The following ZFHX4 variants were observed in gnomAD, a reference collection of about 807,000 sequenced individuals.
ZFHX4 encodes zinc finger homeobox protein 4.
Under a neutral mutation model 267.6 loss-of-function variants are expected in ZFHX4, and 56 were observed. That is an observed-to-expected ratio of 0.21 (90% CI 0.17 to 0.26). The LOEUF (loss-of-function observed/expected upper bound fraction) is 0.26. Among genes scored for constraint, ZFHX4 ranks in the 10% least tolerant of loss-of-function variants. The probability of loss-of-function intolerance (pLI) is 1.00; values close to 1 mark genes in which losing one functional copy is unlikely to be tolerated. For missense variants in ZFHX4, 4,332 were observed against 4,420.0 expected (o/e 0.98, Z 0.56); for synonymous variants, 1,778 against 1,665.6 (o/e 1.07, Z -1.64).
chr8:76,832,418 A>G (rs528271979), intron 4 of ZFHX4, among the ~76,000 whole-genome samples: 13 of 152,274 alleles, frequency 8.5e-5, no homozygotes, highest in Non-Finnish European at 1.9e-4. Flanking sequence ...ACCCATACCT[A>G]GAAGTGATGG....
At chr8:76,747,133 A>G (rs1340723003) in intron 3 of ZFHX4, among the ~76,000 whole-genome samples, 2 of 152,170 alleles carry the variant, frequency 1.3e-5, no homozygotes, top group Non-Finnish European at 2.9e-5. Context: ...TAACTTCTGA[A>G]ACTATATTAA....
rs368990330 is a variant in ZFHX4 at position 76,708,042 on chromosome 8, C to T, written c.3087C>T (p.Leu1029=). 1.2e-6 allele frequency: 2 copies of T among 1,613,000 alleles called. No homozygotes were observed. The highest frequency in any genetic ancestry group is 1.7e-6 in the Non-Finnish European group (2 of 1,179,890). The part of the protein sequence containing the change: ...TNHRHEAALK[L]YKHLQKQEGA... ...ACAGGCACGAGGCGGCCCTGAAGCT[C>T]TACAAGGTAAGCAGTGACATCCATT... The change falls in exon 3 of 11, where the codon CTC becomes CTT. Residue 1029 remains leucine, a synonymous_variant. Transcript: ENST00000651372.
At chr8:76,757,838 G>A (rs1348697246) in intron 3 of ZFHX4, among the ~76,000 whole-genome samples, 1 of 152,056 alleles carries the variant, frequency 6.6e-6, no homozygotes, top group Non-Finnish European at 1.5e-5. Flanking sequence ...GCACAATGAA[G>A]GGAGTCTTAG....
intron 3 of ZFHX4, among the ~76,000 whole-genome samples, chr8:76,723,051 T>C (rs916778701): frequency 2.0e-5 from 3 of 152,100 alleles, no homozygotes; most frequent in Non-Finnish European, 1.5e-5. Context: ...TATTCTTTTA[T>C]GTTTTAACTT....
chr8:76,775,838 A>G (rs752226225), intron 3 of ZFHX4, among the ~76,000 whole-genome samples: 42 of 151,806 alleles, frequency 2.8e-4, no homozygotes, highest in Admixed American at 1.3e-3. Context: ...GCATGGCCTG[A>G]AAGCTTTAGG....
chr8:76,765,587 T>C (rs1190077750), intron 3 of ZFHX4, among the ~76,000 whole-genome samples: 1 of 152,066 alleles, frequency 6.6e-6, no homozygotes, highest in Non-Finnish European at 1.5e-5. Context: ...GAACCAAAAT[T>C]GGGTGGCAGT....
chr8:76,857,221 A>G (rs1812753886), intron 10 of ZFHX4, among the ~76,000 whole-genome samples: 1 of 152,054 alleles, frequency 6.6e-6, no homozygotes. Flanking sequence ...AACGAAAGTT[A>G]TATATCACCC....
intron 1 of ZFHX4, chr8:76,684,023 A>T (rs567537080): frequency 6.6e-6 from 1 of 151,440 alleles, no homozygotes; most frequent in Non-Finnish European, 1.5e-5. Context: ...CTGACAGAGC[A>T]AGCTCAGACT....
chr8:76,749,746 G>A (rs561614702), intron 3 of ZFHX4, among the ~76,000 whole-genome samples: 1 of 152,066 alleles, frequency 6.6e-6, no homozygotes, highest in African/African-American at 2.4e-5. Context: ...AATACATGTT[G>A]TTTATCTTAT....
In ZFHX4 at chr8:76,863,811, C is replaced by G. The variant is rs1487265488; in HGVS notation, c.10097C>G (p.Thr3366Arg). The G allele has an allele frequency of 6.4e-7, 1 of 1,552,296 alleles. No individual in the cohort carries two copies. Among genetic ancestry groups the G allele is most frequent in the Admixed American group, 2.0e-5 (1 of 51,018 alleles). The part of the protein sequence containing the change: ...QPQNSNDASE[T>R]KEDKSTATES... ...CAAAACTCCAACGATGCTTCAGAAACAAAGGAAGACAAAAGTACTGCTACA... is the reference window on the plus strand; with the variant it reads ...CAAAACTCCAACGATGCTTCAGAAAGAAAGGAAGACAAAAGTACTGCTACA... The change falls in exon 11 of 11, where the codon ACA becomes AGA. Residue 3366 changes from threonine to arginine, a missense_variant. By Grantham distance (71) the Thr-to-Arg change is moderately conservative. Around this residue, in one of 7 missense-constraint regions of ZFHX4, gnomAD observed 1,648 missense variants for 1,625.0 expected, o/e 1.01. Coordinates refer to ENST00000651372, the MANE Select transcript of ZFHX4 (RefSeq NM_024721.5).
In ZFHX4 at chr8:76,785,610, C is replaced by A. The variant is rs145624237; in HGVS notation, c.3325+7171C>A. On this transcript the variant is annotated intron_variant, in intron 4 of 10. Transcript: ENST00000651372. Reference sequence around the variant, plus strand: ...TTTTCATTGGGTAGGTTTGTGACCACTGACAGTTATAATTTACAAAAATTA... The same window carrying A: ...TTTTCATTGGGTAGGTTTGTGACCAATGACAGTTATAATTTACAAAAATTA... Among the ~76,000 whole-genome samples, 272 of 152,192 alleles carry A rather than the reference C, an allele frequency of 1.8e-3. 2 individuals carry two copies. Among genetic ancestry groups the A allele is most frequent in the African/African-American group, 6.3e-3 (262 of 41,532 alleles).
rs1403263379 is a variant in ZFHX4, at chr8:76,738,611, CTTCCTTCCTTCCTTCT to C, written c.3093+30579_3093+30594del. 7.3e-3 allele frequency among the ~76,000 whole-genome samples: 1,062 copies of C among 144,970 alleles called. 17 individuals are homozygous for C. The highest frequency in any genetic ancestry group is 0.022 in the African/African-American group (858 of 38,938). ...TACTTTCTTTCTTTTTCCTTCCTTC[CTTCCTTCCTTCCTTCT>C]TTCCTTCCTTCCTTCCTTCCTTCTT... On this transcript the variant is annotated intron_variant, in intron 3 of 10. Transcript: ENST00000651372.
At chr8:76,717,963 C>T (rs762415791) in intron 3 of ZFHX4, among the ~76,000 whole-genome samples, 2 of 152,240 alleles carry the variant, frequency 1.3e-5, no homozygotes, top group Admixed American at 6.5e-5. Context: ...TCTAACTATT[C>T]GTTTGGCAGG....
intron 3 of ZFHX4, among the ~76,000 whole-genome samples, chr8:76,732,347 C>T (rs982887672): frequency 2.0e-5 from 3 of 151,886 alleles, no homozygotes; most frequent in African/African-American, 7.3e-5. Flanking sequence ...TTTAGAAGGG[C>T]AGTCTGTTTT....
At chr8:76,850,817 A>T in intron 9 of ZFHX4, 69 bp from the exon 10 acceptor site, 1 of 1,382,718 alleles carries the variant, frequency 7.2e-7, no homozygotes, top group Non-Finnish European at 9.6e-7. Context: ...TACTATTTAT[A>T]ATATTAATTA....
intron 3 of ZFHX4, among the ~76,000 whole-genome samples, chr8:76,735,429 A>G (rs940014347): frequency 4.6e-5 from 7 of 152,156 alleles, no homozygotes; most frequent in African/African-American, 7.2e-5. Context: ...AAAAAGAATT[A>G]GAATTCAACA....
chr8:76,816,992 T>C (rs1223920821), intron 4 of ZFHX4, among the ~76,000 whole-genome samples: 4 of 152,122 alleles, frequency 2.6e-5, no homozygotes, highest in African/African-American at 2.4e-5. Flanking sequence ...TCCAGTGAGA[T>C]GTAAACAAAC....
intron 1 of ZFHX4, among the ~76,000 whole-genome samples, chr8:76,701,116 A>T (rs1302686922): frequency 4.6e-5 from 7 of 152,142 alleles, no homozygotes; most frequent in Admixed American, 4.6e-4. Context: ...GTATATAAGG[A>T]TCTAAATAAC....
intron 3 of ZFHX4, among the ~76,000 whole-genome samples, chr8:76,754,183 A>G (rs1809701938): frequency 6.6e-6 from 1 of 152,082 alleles, no homozygotes; most frequent in Non-Finnish European, 1.5e-5. Context: ...CTTGTGATAA[A>G]TTTCTGGGAA....
Sources: allele counts gnomAD v4.1 joint callset (sites outside exome capture counted in the v4.1 genomes callset), GRCh38; gene constraint gnomAD v4.1.1; regional missense constraint gnomAD v4.1.1; transcripts MANE v1.5; gene names NCBI Gene and HGNC (gene_info 2026-07-23, HGNC 2026-07-21).